The following GABRA4 variants were observed in gnomAD, a reference collection of about 807,000 sequenced individuals.
The protein encoded by GABRA4 is gamma-aminobutyric acid receptor subunit alpha-4.
In GABRA4, 12 loss-of-function variants were observed where a neutral mutation model predicts 49.7. The ratio of observed to expected loss-of-function variants is 0.24; its 90% CI spans 0.15 to 0.39. GABRA4 has a LOEUF of 0.39. Ranked by LOEUF, GABRA4 falls within the 10% of genes least tolerant of loss-of-function variation. GABRA4 has a pLI of 1.00. For missense variants in GABRA4, 506 were observed against 686.0 expected, an observed-to-expected ratio of 0.74 and a Z score of 2.93; for synonymous variants, 288 against 240.2, an observed-to-expected ratio of 1.20 and a Z score of -1.84.
chr4:46,977,751 T>A, intron 3 of GABRA4, 121 bp from the exon 4 acceptor site: 2 of 638,810 alleles, frequency 3.1e-6, no homozygotes, highest in South Asian at 4.2e-5. Flanking sequence ...CAAATAAAAT[T>A]AATAGGAGCA....
In GABRA4 at chr4:46,979,022, A is replaced by G; in HGVS notation, c.273+9T>C. On this transcript the variant is annotated intron_variant, in intron 3 of 8. Transcript: ENST00000264318. ...CTCAAAAGGTACATTAAACTTCGAA[A>G]ATACCTACCATTTCAACATCAGAAA... 1 of 1,592,772 alleles carries G rather than the reference A, an allele frequency of 6.3e-7. No homozygotes were observed. The highest frequency in any genetic ancestry group is 8.6e-7 in the Non-Finnish European group (1 of 1,162,282).
chr4:46,944,180 TA>T (rs969353077), intron 8 of GABRA4, among the ~76,000 whole-genome samples: 1 of 152,150 alleles, frequency 6.6e-6, no homozygotes, highest in Non-Finnish European at 1.5e-5. Flanking sequence ...ACATGTTGAT[TA>T]GCTTGATTGT....
rs193172461 is a variant in GABRA4, at chr4:46,958,004, A to T, written c.1134+6966T>A. On this transcript the variant is annotated intron_variant, in intron 8 of 8. Transcript: ENST00000264318. The stretch of plus-strand genomic sequence containing the variant: ...CTATATTGGGCTTATTATCTTCTGT[A>T]TTCATATATACATGCATCATATGTA... Among the ~76,000 whole-genome samples, 119 of 152,078 alleles carry T rather than the reference A, an allele frequency of 7.8e-4. No homozygotes were observed. The East Asian group carries it at 0.019, about 25-fold the overall frequency.
chr4:46,928,644 C>T lies in GABRA4; in HGVS notation c.1246G>A (p.Val416Ile). Reference protein sequence around the residue: ...VGNHSSKSSTVVQESSKGTPR... With the variant: ...VGNHSSKSSTIVQESSKGTPR... ...GTGCCTTTAGAAGATTCTTGAACAACTGTGGAAGATTTGCTTGAATGGTTT... is the reference window on the plus strand; with the variant it reads ...GTGCCTTTAGAAGATTCTTGAACAATTGTGGAAGATTTGCTTGAATGGTTT... The change falls in exon 9 of 9, where the codon GTT becomes ATT. Residue 416 changes from valine (V) to isoleucine (I), a missense_variant. Val to Ile is a conservative substitution (Grantham distance 29). Around this residue, in one of 5 missense-constraint regions of GABRA4, gnomAD observed 243 missense variants for 210.8 expected, o/e 1.15. Transcript: ENST00000264318. 1 of 1,613,674 alleles carries T rather than the reference C, an allele frequency of 6.2e-7. No homozygotes were observed. Among genetic ancestry groups the T allele is most frequent in the Non-Finnish European group, 8.5e-7 (1 of 1,179,744 alleles).
rs144514042 is a variant in GABRA4, at chr4:46,970,860, C to A, written c.874+223G>T. 2.4e-4 allele frequency among the ~76,000 whole-genome samples: 37 copies of A among 151,616 alleles called. No individual in the cohort carries two copies. In the East Asian group the frequency reaches 5.9e-3, roughly 24 times the overall value. On this transcript the variant is annotated intron_variant, in intron 7 of 8. Coordinates refer to ENST00000264318, the MANE Select transcript of GABRA4 (RefSeq NM_000809.4). ...ACATTTGGTCTATGCCTGTCTGGTT[C>A]TCAACAAGGGAAATCTGATGCCTGG...
chr4:46,946,954 C>A (rs779080725), intron 8 of GABRA4, among the ~76,000 whole-genome samples: 3 of 151,930 alleles, frequency 2.0e-5, no homozygotes, highest in Non-Finnish European at 2.9e-5. Flanking sequence ...GCCGTGGAAG[C>A]CTGCTGGTCT....
intron 8 of GABRA4, among the ~76,000 whole-genome samples, chr4:46,957,355 G>A (rs1722401722): frequency 6.6e-6 from 1 of 151,864 alleles, no homozygotes; most frequent in African/African-American, 2.4e-5. Flanking sequence ...TTCTTAAGGA[G>A]TCTAAGCAGA....
intron 5 of GABRA4, among the ~76,000 whole-genome samples, chr4:46,975,448 A>T (rs1723106386): frequency 6.6e-6 from 1 of 151,940 alleles, no homozygotes; most frequent in Non-Finnish European, 1.5e-5. Context: ...TCCTTTGGCT[A>T]CCCTACCTTG....
chr4:46,957,406 CT>C (rs1395327465), intron 8 of GABRA4, among the ~76,000 whole-genome samples: 1 of 151,708 alleles, frequency 6.6e-6, no homozygotes, highest in Non-Finnish European at 1.5e-5. Flanking sequence ...TTGTAAGAAT[CT>C]ATGGACTTTA....
At chr4:46,944,743 C>T (rs1371187924) in intron 8 of GABRA4, among the ~76,000 whole-genome samples, 1 of 152,066 alleles carries the variant, frequency 6.6e-6, no homozygotes, top group African/African-American at 2.4e-5. Flanking sequence ...CCCCACCACC[C>T]TCATCAAATC....
rs1721026542 is a variant in GABRA4 at position 46,921,360 on chromosome 4, A to G, written c.*6865T>C. The G allele has an allele frequency of 2.0e-5, 3 of 152,044 alleles. No homozygotes were observed. The highest frequency in any genetic ancestry group is 7.2e-5 in the African/African-American group (3 of 41,450). The allele number at this position is 152,044 out of a possible 1,614,324, so 9.4% of individuals were successfully genotyped here. A position where few individuals can be genotyped will look rare whatever the true frequency, so the allele number is the denominator to read the frequency against. The stretch of plus-strand genomic sequence containing the variant: ...GGATAGAAATACACGACTGAAAAGT[A>G]AAGCCCAAGAGGGAAAAATGAAAAT... On this transcript the variant is annotated 3_prime_UTR_variant, in exon 9 of 9. Transcript: ENST00000264318.
chr4:46,969,272 A>T (rs1289125232), intron 7 of GABRA4, among the ~76,000 whole-genome samples: 3 of 151,564 alleles, frequency 2.0e-5, no homozygotes, highest in Non-Finnish European at 3.0e-5. Flanking sequence ...AAAAATGTAT[A>T]CATGAGTTTT....
intron 8 of GABRA4, among the ~76,000 whole-genome samples, chr4:46,958,661 G>A (rs562998840): frequency 4.0e-5 from 6 of 151,826 alleles, no homozygotes; most frequent in South Asian, 2.1e-4. Flanking sequence ...CTTCTGAGAC[G>A]CCCAAAGACA....
rs1721124483 is a variant in GABRA4, at chr4:46,923,987, T to C, written c.*4238A>G. The C allele has an allele frequency of 1.3e-5, 2 of 152,106 alleles. No individual in the cohort carries two copies. Among genetic ancestry groups the C allele is most frequent in the Admixed American group, 1.3e-4 (2 of 15,250 alleles). The allele number at this position is 152,106 out of a possible 1,614,324, so 9.4% of individuals were successfully genotyped here. A position where few individuals can be genotyped will look rare whatever the true frequency, so the allele number is the denominator to read the frequency against. ...CTCAGGTGCTGATAAAATTGCGCTT[T>C]CATTTTTTTGTTTGTTTGTGGAAGT... On this transcript the variant is annotated 3_prime_UTR_variant, in exon 9 of 9. Coordinates refer to ENST00000264318, the MANE Select transcript of GABRA4 (RefSeq NM_000809.4).
intron 2 of GABRA4, among the ~76,000 whole-genome samples, chr4:46,983,166 A>G (rs1023531254): frequency 1.3e-5 from 2 of 152,108 alleles, no homozygotes; most frequent in Non-Finnish European, 2.9e-5. Flanking sequence ...TCTCCAAAGC[A>G]TGTGCTAGCT....
chr4:46,947,572 G>A (rs112910541), intron 8 of GABRA4, among the ~76,000 whole-genome samples: 4,212 of 151,316 alleles, frequency 0.028, 75 homozygotes, highest in Middle Eastern at 0.12. Context: ...AAGAAAAGGC[G>A]CAAAAAAGGA....
At chr4:46,929,212 C>T (rs1203939200) in intron 8 of GABRA4, among the ~76,000 whole-genome samples, 1 of 151,808 alleles carries the variant, frequency 6.6e-6, no homozygotes, top group Admixed American at 6.6e-5. Flanking sequence ...CACAGAATAT[C>T]AACAATAACA....
At position 46,993,453 on chromosome 4, in the gene GABRA4, T is replaced by C. The variant is rs1181103892; in HGVS notation, c.-29A>G. On this transcript the variant is annotated 5_prime_UTR_variant, in exon 1 of 9. Transcript: ENST00000264318. ...TGCAACATGCCATACTTCAAGCCTG[T>C]TCACGTTTCCAGGCTCTTCAGATGC... The C allele has an allele frequency of 5.0e-6, 8 of 1,610,380 alleles. No individual in the cohort carries two copies. The highest frequency in any genetic ancestry group is 6.8e-6 in the Non-Finnish European group (8 of 1,176,664).
rs761526366 is a variant in GABRA4, at chr4:46,928,801, A to C, written c.1135-46T>G. ...ATATATTGGTTATGTAACTTTATGC[A>C]GATTTGTACAAAATTTAAAGGGATC... is the stretch of plus-strand genomic sequence containing the variant. On this transcript the variant is annotated intron_variant, in intron 8 of 8. Coordinates refer to ENST00000264318, the MANE Select transcript of GABRA4 (RefSeq NM_000809.4). The C allele has an allele frequency of 3.0e-6, 4 of 1,318,266 alleles. No homozygotes were observed. The Admixed American group carries it at 8.7e-5, about 29-fold the overall frequency. The allele number at this position is 1,318,266 out of a possible 1,614,324, so 81.7% of individuals were successfully genotyped here.
Sources: allele counts gnomAD v4.1 joint callset (sites outside exome capture counted in the v4.1 genomes callset), GRCh38; gene constraint gnomAD v4.1.1; regional missense constraint gnomAD v4.1.1; transcripts MANE v1.5; gene names NCBI Gene and HGNC (gene_info 2026-07-23, HGNC 2026-07-21).